Variants in NAALADL2 observed in about 807,000 individuals in gnomAD.
The protein encoded by NAALADL2 is inactive N-acetylated-alpha-linked acidic dipeptidase-like protein 2.
A neutral mutation model predicts 87.2 loss-of-function variants in NAALADL2; 76 were observed. That is an observed-to-expected ratio of 0.87 (90% CI 0.72 to 1.05). The LOEUF is 1.05. Among genes scored for constraint, NAALADL2 ranks in the 50% least tolerant of loss-of-function variants. The pLI is 0.00. For synonymous variants in NAALADL2, 354 were observed against 331.0 expected (o/e 1.07, Z -0.75); for missense variants, 1,089 against 945.8 (o/e 1.15, Z -1.99).
chr3:175,274,801 C>A (rs769005510), intron 4 of NAALADL2, among the ~76,000 whole-genome samples: 1 of 152,136 alleles, frequency 6.6e-6, no homozygotes, highest in Non-Finnish European at 1.5e-5. Context: ...TTGTCTCAAG[C>A]AAGGGTAGGT....
At chr3:174,869,691 G>C (rs1727565289) in intron 1 of NAALADL2, among the ~76,000 whole-genome samples, 1 of 152,082 alleles carries the variant, frequency 6.6e-6, no homozygotes, top group Non-Finnish European at 1.5e-5. Flanking sequence ...CTGCAGTGAA[G>C]TTAGGCAAGA....
intron 9 of NAALADL2, among the ~76,000 whole-genome samples, chr3:175,538,107 A>G (rs1711583350): frequency 6.6e-6 from 1 of 152,164 alleles, no homozygotes. Flanking sequence ...GGGAAGTGAA[A>G]CAGACTAAGT....
At chr3:175,045,582 C>T (rs975081955) in intron 1 of NAALADL2, among the ~76,000 whole-genome samples, 1 of 152,126 alleles carries the variant, frequency 6.6e-6, no homozygotes, top group African/African-American at 2.4e-5. Flanking sequence ...TGGAAGAAGA[C>T]ATGAGACTCT....
At chr3:175,742,269 T>A (rs1001260969) in intron 12 of NAALADL2, among the ~76,000 whole-genome samples, 3 of 152,254 alleles carry the variant, frequency 2.0e-5, no homozygotes, top group Non-Finnish European at 4.4e-5. Context: ...CAGGTTTGCC[T>A]GACACAGTTC....
chr3:175,365,138 A>G (rs1379644321), intron 5 of NAALADL2, among the ~76,000 whole-genome samples: 1 of 147,552 alleles, frequency 6.8e-6, no homozygotes, highest in Non-Finnish European at 1.5e-5. Context: ...TATTAACACT[A>G]CTTTGAAGGA....
intron 2 of NAALADL2, among the ~76,000 whole-genome samples, chr3:174,675,753 T>C (rs1232901125): frequency 1.3e-5 from 2 of 152,020 alleles, no homozygotes; most frequent in African/African-American, 4.8e-5. Context: ...CCATGTTAAG[T>C]GAAGGAAAAA....
chr3:175,448,742 T>C (rs1342480900), intron 6 of NAALADL2, among the ~76,000 whole-genome samples: 1 of 152,246 alleles, frequency 6.6e-6, no homozygotes, highest in Non-Finnish European at 1.5e-5. Context: ...AAAGTCTTGC[T>C]CTGTCATCAG....
intron 5 of NAALADL2, among the ~76,000 whole-genome samples, chr3:175,374,725 C>T (rs2862048): frequency 0.36 from 53,623 of 150,924 alleles, 9,792 homozygotes; most frequent in East Asian, 0.53. Context: ...ATGGAAAAAT[C>T]AGCTGGGCAT....
intron 1 of NAALADL2, among the ~76,000 whole-genome samples, chr3:174,904,644 T>C (rs1239527086): frequency 6.6e-6 from 1 of 151,878 alleles, no homozygotes; most frequent in Admixed American, 6.6e-5. Flanking sequence ...ATGCTTTCCC[T>C]GCTAGAGACC....
intron 5 of NAALADL2, among the ~76,000 whole-genome samples, chr3:175,437,633 G>A (rs576229542): frequency 9.3e-5 from 14 of 150,384 alleles, no homozygotes; most frequent in South Asian, 6.4e-4. Flanking sequence ...AAAGGAGCCC[G>A]CATTGCCAAG....
At chr3:175,726,286 T>C (rs935120158) in intron 11 of NAALADL2, among the ~76,000 whole-genome samples, 8 of 148,274 alleles carry the variant, frequency 5.4e-5, no homozygotes, top group Admixed American at 6.7e-5. Flanking sequence ...AAAAATTACA[T>C]GAGTTACTTT....
chr3:174,739,600 T>C (rs1470047177), intron 3 of NAALADL2, among the ~76,000 whole-genome samples: 2 of 152,080 alleles, frequency 1.3e-5, no homozygotes, highest in Non-Finnish European at 2.9e-5. Flanking sequence ...ATGCAATGTC[T>C]TTTAGGTGGG....
At chr3:174,775,788 T>C (rs745746224) in intron 3 of NAALADL2, among the ~76,000 whole-genome samples, 5 of 152,106 alleles carry the variant, frequency 3.3e-5, no homozygotes, top group Non-Finnish European at 7.4e-5. Context: ...GATAATAAGG[T>C]GACCTCAGCT....
intron 1 of NAALADL2, among the ~76,000 whole-genome samples, chr3:174,952,368 C>T (rs529302902): frequency 2.2e-4 from 33 of 152,266 alleles, no homozygotes; most frequent in African/African-American, 7.9e-4. Flanking sequence ...TTATATAATT[C>T]TCAGACTGCA....
intron 5 of NAALADL2, among the ~76,000 whole-genome samples, chr3:175,342,465 GTTAAGCTGA>G (rs1219200943): frequency 1.3e-5 from 2 of 151,732 alleles, no homozygotes; most frequent in Non-Finnish European, 2.9e-5. Flanking sequence ...TTGTTTCAGT[GTTAAGCTGA>G]TTACTCCCTC....
At chr3:175,281,558 C>G (rs1754314536) in intron 4 of NAALADL2, among the ~76,000 whole-genome samples, 1 of 151,914 alleles carries the variant, frequency 6.6e-6, no homozygotes, top group Non-Finnish European at 1.5e-5. Context: ...TGCTCAAACT[C>G]TTTTGTGTAT....
chr3:175,565,459 TG>T (rs1467882951), intron 9 of NAALADL2, among the ~76,000 whole-genome samples: 2 of 152,140 alleles, frequency 1.3e-5, no homozygotes, highest in Non-Finnish European at 2.9e-5. Context: ...AATCATGAAA[TG>T]GATGGTGTTT....
chr3:175,478,156 G>T (rs1725979822), intron 9 of NAALADL2, among the ~76,000 whole-genome samples: 1 of 151,852 alleles, frequency 6.6e-6, no homozygotes, highest in Non-Finnish European at 1.5e-5. Flanking sequence ...TTTAATGAGA[G>T]AAATTCTGTT....
intron 9 of NAALADL2, among the ~76,000 whole-genome samples, chr3:175,562,052 G>GTCTGTATTTGATCTGAC (rs1716356334): frequency 6.6e-6 from 1 of 152,168 alleles, no homozygotes; most frequent in African/African-American, 2.4e-5. Context: ...GATCAAATTA[G>GTCTGTATTTGATCTGAC]TCTGTATTTG....
Sources: allele counts gnomAD v4.1 joint callset (sites outside exome capture counted in the v4.1 genomes callset), GRCh38; gene constraint gnomAD v4.1.1; transcripts MANE v1.5; gene names NCBI Gene and HGNC (gene_info 2026-07-23, HGNC 2026-07-21).